Variants in TECPR1 observed in about 807,000 individuals in gnomAD.
The protein encoded by TECPR1 is tectonin beta-propeller repeat-containing protein 1.
TECPR1 carries 122 observed loss-of-function variants against 162.4 expected under a neutral mutation model. The observed-to-expected ratio is 0.75, with a 90% CI of 0.65 to 0.87. The LOEUF (loss-of-function observed/expected upper bound fraction) is 0.87. Among genes scored for constraint, TECPR1 ranks in the 40% least tolerant of loss-of-function variants. TECPR1 has a pLI of 0.00. For missense variants in TECPR1, 1,432 were observed against 1,618.2 expected, an observed-to-expected ratio of 0.88 and a Z score of 1.97; for synonymous variants, 642 against 670.6, an observed-to-expected ratio of 0.96 and a Z score of 0.66.
chr7:98,237,021 AGGTGTGTGTGGGCTG>A, intron 9 of TECPR1, 100 bp from the exon 10 acceptor site: 1 of 1,324,446 alleles, frequency 7.6e-7, no homozygotes, highest in Non-Finnish European at 1.0e-6. Context: ...CTCCATGTGC[AGGTGTGTGTGGGCTG>A]GGAAGGTCCA....
chr7:98,237,005 AG>A (rs1798622008), intron 9 of TECPR1, 84 bp from the exon 10 acceptor site: 5 of 1,403,626 alleles, frequency 3.6e-6, no homozygotes, highest in African/African-American at 1.5e-5. Flanking sequence ...AAATGCAGGC[AG>A]GGTCCTCCAT....
At position 98,233,571 on chromosome 7, in the gene TECPR1, CG is replaced by C; in HGVS notation, c.1521del (p.Glu508ArgfsTer103). 1 of 1,596,914 alleles carries C rather than the reference CG, an allele frequency of 6.3e-7. No individual in the cohort carries two copies. The highest frequency in any genetic ancestry group is 8.5e-7 in the Non-Finnish European group (1 of 1,173,038). ...CCCAGAGAGGAGAGGCTGGTGGTCT[CG>C]GGGAAGCCAGCGGCCGAGTGGCTGG... is the stretch of plus-strand genomic sequence containing the variant. The part of the protein sequence containing the change: ...KVPSHSAAGF[P>X]ETTSLSSLGL... On this transcript the variant is annotated frameshift_variant, in exon 11 of 26. Coordinates refer to ENST00000447648, the MANE Select transcript of TECPR1 (RefSeq NM_015395.3). LOFTEE classifies it high-confidence loss of function.
rs544222299 is a variant in TECPR1, at chr7:98,224,281, G to A, written c.2690+520C>T. ...ACTGTGCCGTGAAGGGCCTGCCCAC[G>A]CCGTGCACCTGCACCGCCAGGGTCC... is the stretch of plus-strand genomic sequence containing the variant. On this transcript the variant is annotated intron_variant, in intron 19 of 25. Coordinates refer to ENST00000447648, the MANE Select transcript of TECPR1 (RefSeq NM_015395.3). 3.3e-5 allele frequency among the ~76,000 whole-genome samples: 5 copies of A among 152,302 alleles called. No individual in the cohort carries two copies. In the South Asian group the frequency reaches 6.2e-4, roughly 19 times the overall value.
intron 16 of TECPR1, chr7:98,228,425 G>T: frequency 2.8e-6 from 1 of 361,438 alleles, no homozygotes; most frequent in Non-Finnish European, 5.3e-6. Context: ...CACCAGGGAG[G>T]CATGAGGCCC....
chr7:98,223,813 G>A, intron 19 of TECPR1, 95 bp from the exon 20 acceptor site: 2 of 1,375,336 alleles, frequency 1.5e-6, no homozygotes, highest in Non-Finnish European at 2.1e-6. Context: ...CCGTTACAGG[G>A]CATGGGGACT....
intron 6 of TECPR1, 113 bp downstream of exon 6, chr7:98,243,354 G>A: frequency 1.4e-6 from 2 of 1,420,278 alleles, no homozygotes; most frequent in Non-Finnish European, 1.9e-6. Flanking sequence ...GAGCAGGCAT[G>A]GGGTGGGGGG....
chr7:98,234,616 T>C (rs1798543031), intron 10 of TECPR1, among the ~76,000 whole-genome samples: 1 of 152,140 alleles, frequency 6.6e-6, no homozygotes. Flanking sequence ...TGCTAAATTG[T>C]TCTCCACAGT....
At chr7:98,248,470 C>T (rs538085748) in intron 2 of TECPR1, among the ~76,000 whole-genome samples, 6 of 130,560 alleles carry the variant, frequency 4.6e-5, no homozygotes, top group South Asian at 2.6e-4. Flanking sequence ...TCCAGACGGC[C>T]GGGTGACTGT....
chr7:98,217,568 TG>T, intron 25 of TECPR1, 65 bp from the exon 26 acceptor site: 1 of 1,543,044 alleles, frequency 6.5e-7, no homozygotes, highest in Admixed American at 2.0e-5. Context: ...GGGATCTGCC[TG>T]GGGGCCTCCC....
At chr7:98,247,311 A>T (rs1054717458) in intron 2 of TECPR1, among the ~76,000 whole-genome samples, 13 of 149,706 alleles carry the variant, frequency 8.7e-5, no homozygotes, top group South Asian at 8.5e-4. Context: ...CTAATTAAAA[A>T]TTTTTTTTTT....
At chr7:98,222,129 C>A (rs1798157295) in intron 22 of TECPR1, among the ~76,000 whole-genome samples, 3 of 152,216 alleles carry the variant, frequency 2.0e-5, no homozygotes. Context: ...TCCCGGGCAG[C>A]CACCAGATTG....
intron 14 of TECPR1, 26 bp downstream of exon 14, chr7:98,231,198 G>T: frequency 6.2e-7 from 1 of 1,609,684 alleles, no homozygotes. Context: ...CCTCCCCCCG[G>T]CCCGAGGGGA....
intron 17 of TECPR1, among the ~76,000 whole-genome samples, chr7:98,225,557 G>T (rs556210044): frequency 6.6e-6 from 1 of 151,748 alleles, no homozygotes; most frequent in Non-Finnish European, 1.5e-5. Flanking sequence ...AAAAAGGCGG[G>T]GGGAGGGGGG....
At chr7:98,221,547 G>A (rs1307292352) in intron 23 of TECPR1, 114 bp downstream of exon 23, 9 of 856,140 alleles carry the variant, frequency 1.1e-5, no homozygotes, top group Admixed American at 4.3e-5. Flanking sequence ...GGCTGGTCTC[G>A]AACTCCTGAT....
At chr7:98,221,785 C>T (rs1242065442) in intron 22 of TECPR1, 32 bp from the exon 23 acceptor site, 10 of 1,587,316 alleles carry the variant, frequency 6.3e-6, no homozygotes, top group Non-Finnish European at 8.6e-6. Context: ...AGGCACGCTG[C>T]CTTCTCCTCC....
chr7:98,235,849 A>AAAAAAAAAAAAAAACAAC, intron 10 of TECPR1, among the ~76,000 whole-genome samples: 8 of 110,302 alleles, frequency 7.3e-5, no homozygotes, highest in African/African-American at 2.2e-4. Flanking sequence ...AAAAAAAAAA[A>AAAAAAAAAAAAAAACAAC]AACACCATCT....
At chr7:98,245,295 C>A (rs1798876545) in intron 3 of TECPR1, among the ~76,000 whole-genome samples, 2 of 152,238 alleles carry the variant, frequency 1.3e-5, no homozygotes, top group Non-Finnish European at 2.9e-5. Context: ...GGGCAAAGAA[C>A]CTCCTGCCAG....
intron 6 of TECPR1, among the ~76,000 whole-genome samples, chr7:98,243,026 CTATCCATCCTTCTGCCCACA>C: frequency 2.2e-5 from 1 of 46,178 alleles, no homozygotes. Flanking sequence ...ACACACCCAC[CTATCCATCCTTCTGCCCACA>C]CACCCACCCA....
At chr7:98,238,708 C>T (rs756031948) in intron 8 of TECPR1, 98 bp from the exon 9 acceptor site, 15 of 1,028,072 alleles carry the variant, frequency 1.5e-5, no homozygotes, top group Admixed American at 6.0e-5. Flanking sequence ...TAATTTGATC[C>T]TTTGGTTCAC....
Sources: allele counts gnomAD v4.1 joint callset (sites outside exome capture counted in the v4.1 genomes callset), GRCh38; gene constraint gnomAD v4.1.1; transcripts MANE v1.5; gene names NCBI Gene and HGNC (gene_info 2026-07-23, HGNC 2026-07-21).